The following UNC5C variants were observed in gnomAD, a reference collection of about 807,000 sequenced individuals.
UNC5C encodes unc-5 netrin receptor C.
A neutral mutation model predicts 99.8 loss-of-function variants in UNC5C; 47 were observed. The ratio of observed to expected loss-of-function variants is 0.47; its 90% CI spans 0.37 to 0.60. The LOEUF (loss-of-function observed/expected upper bound fraction) is 0.60. UNC5C is among the 20% of genes least tolerant of loss of function. UNC5C has a pLI of 0.00. For missense variants in UNC5C, 1,062 were observed against 1,165.9 expected, an observed-to-expected ratio of 0.91 and a Z score of 1.30; for synonymous variants, 487 against 452.2, an observed-to-expected ratio of 1.08 and a Z score of -0.98.
intron 1 of UNC5C, among the ~76,000 whole-genome samples, chr4:95,356,045 T>C (rs56184934): frequency 0.22 from 33,030 of 151,198 alleles, 4,204 homozygotes; most frequent in African/African-American, 0.34. Context: ...TAAAAATTAG[T>C]TGGGTGTGGT....
intron 1 of UNC5C, among the ~76,000 whole-genome samples, chr4:95,434,769 A>G (rs1746728234): frequency 6.6e-6 from 1 of 152,110 alleles, no homozygotes; most frequent in South Asian, 2.1e-4. Flanking sequence ...AATATCCCAC[A>G]GTGACTATGA....
At chr4:95,175,385 T>C (rs1579198438) in intron 14 of UNC5C, among the ~76,000 whole-genome samples, 1 of 151,886 alleles carries the variant, frequency 6.6e-6, no homozygotes, top group Non-Finnish European at 1.5e-5. Flanking sequence ...CTGGTACCGG[T>C]TGTTCCTTTC....
At position 95,164,355 on chromosome 4, in the gene UNC5C, G is replaced by C. The variant is rs955982278; in HGVS notation, c.*4879C>G. ...TTATTCCATTAAAAAGAAATAATTA[G>C]AGATGCAAAGGAAATCTTCCAAAGT... is the stretch of plus-strand genomic sequence containing the variant. On this transcript the variant is annotated 3_prime_UTR_variant, in exon 16 of 16. Transcript: ENST00000453304. 2.6e-5 allele frequency: 4 copies of C among 152,072 alleles called. No individual in the cohort carries two copies. Among genetic ancestry groups the C allele is most frequent in the African/African-American group, 7.2e-5 (3 of 41,400 alleles). 9.4% of individuals were successfully genotyped at this position (152,072 alleles called of 1,614,324 possible). A position where few individuals can be genotyped will look rare whatever the true frequency, so the allele number is the denominator to read the frequency against.
At chr4:95,495,863 TA>T (rs1336014923) in intron 1 of UNC5C, among the ~76,000 whole-genome samples, 16 of 151,764 alleles carry the variant, frequency 1.1e-4, no homozygotes, top group Non-Finnish European at 1.5e-5. Context: ...TTCAAAGATT[TA>T]CTAAAGTTCA....
At chr4:95,196,524 T>G (rs1737401574) in intron 12 of UNC5C, among the ~76,000 whole-genome samples, 2 of 151,760 alleles carry the variant, frequency 1.3e-5, no homozygotes, top group Admixed American at 1.3e-4. Flanking sequence ...ACATGCTAAT[T>G]CTGTATCAGT....
chr4:95,508,440 GC>G (rs1721981719), intron 1 of UNC5C, among the ~76,000 whole-genome samples: 1 of 151,718 alleles, frequency 6.6e-6, no homozygotes, highest in Non-Finnish European at 1.5e-5. Context: ...CCTTAACCTG[GC>G]AATTAGACTC....
At chr4:95,457,782 G>A (rs566176212) in intron 1 of UNC5C, among the ~76,000 whole-genome samples, 11 of 152,182 alleles carry the variant, frequency 7.2e-5, no homozygotes, top group African/African-American at 2.6e-4. Context: ...AGGACTTACA[G>A]CAAGAAAACA....
At chr4:95,511,612 G>A (rs115709261) in intron 1 of UNC5C, among the ~76,000 whole-genome samples, 3 of 152,032 alleles carry the variant, frequency 2.0e-5, no homozygotes, top group African/African-American at 4.8e-5. Flanking sequence ...GCAGATACTT[G>A]CATAACCTCT....
rs1579275473 is a variant in UNC5C, at chr4:95,259,694, C to T, written c.595-9027G>A. Among the ~76,000 whole-genome samples the T allele has an allele frequency of 3.3e-5, 5 of 151,684 alleles. No homozygotes were observed. In the East Asian group the frequency reaches 7.8e-4, roughly 24 times the overall value. On this transcript the variant is annotated intron_variant, in intron 4 of 15. Coordinates refer to ENST00000453304, the MANE Select transcript of UNC5C (RefSeq NM_003728.4). ...TCTTCATAAAAATTATTTTCTAATT[C>T]TAAAGTATAAGAAAACATTATCAGT...
chr4:95,444,717 C>T (rs1158746314), intron 1 of UNC5C, among the ~76,000 whole-genome samples: 2 of 152,146 alleles, frequency 1.3e-5, no homozygotes, highest in Admixed American at 1.3e-4. Flanking sequence ...AAACAGTCCT[C>T]AGAACTGGAG....
chr4:95,490,820 A>C (rs1390126471), intron 1 of UNC5C, among the ~76,000 whole-genome samples: 3 of 151,808 alleles, frequency 2.0e-5, no homozygotes, highest in Non-Finnish European at 4.4e-5. Context: ...TGATTTAAAA[A>C]TTGAACAATT....
At position 95,290,496 on chromosome 4, in the gene UNC5C, A is replaced by G. The variant is rs184669066; in HGVS notation, c.490+11110T>C. On this transcript the variant is annotated intron_variant, in intron 3 of 15. Transcript: ENST00000453304. ...GTGCAATGAACTGGACTGCAAAGAG[A>G]AAAGTTTGTTTAAAATTCAGATTCA... 3.3e-3 allele frequency among the ~76,000 whole-genome samples: 509 copies of G among 152,316 alleles called. 2 individuals carry two copies. The highest frequency in any genetic ancestry group is 0.011 in the African/African-American group (472 of 41,576).
At chr4:95,529,683 C>T (rs1722593266) in intron 1 of UNC5C, among the ~76,000 whole-genome samples, 1 of 151,770 alleles carries the variant, frequency 6.6e-6, no homozygotes, top group South Asian at 2.1e-4. Context: ...GCTGTGACCG[C>T]ACCACTGCAT....
At chr4:95,266,995 T>A (rs758775981) in intron 4 of UNC5C, among the ~76,000 whole-genome samples, 2 of 152,210 alleles carry the variant, frequency 1.3e-5, no homozygotes, top group Non-Finnish European at 2.9e-5. Context: ...CAAAGACAGA[T>A]TCCAATGTTC....
At chr4:95,382,236 G>A (rs1277122486) in intron 1 of UNC5C, among the ~76,000 whole-genome samples, 1 of 152,096 alleles carries the variant, frequency 6.6e-6, no homozygotes, top group Non-Finnish European at 1.5e-5. Flanking sequence ...ATTTTGGGAG[G>A]CCAAGGAGGG....
intron 1 of UNC5C, among the ~76,000 whole-genome samples, chr4:95,493,591 C>G (rs1483429728): frequency 6.6e-6 from 1 of 151,296 alleles, no homozygotes; most frequent in Non-Finnish European, 1.5e-5. Context: ...AAAACACACA[C>G]TAAGTTTTAA....
At chr4:95,211,053 G>A (rs1434683266) in intron 10 of UNC5C, among the ~76,000 whole-genome samples, 1 of 152,212 alleles carries the variant, frequency 6.6e-6, no homozygotes, top group Non-Finnish European at 1.5e-5. Context: ...ATTTTGGGTT[G>A]CTTAGAGTGG....
At chr4:95,392,393 TAAC>T (rs1745387067) in intron 1 of UNC5C, among the ~76,000 whole-genome samples, 1 of 151,578 alleles carries the variant, frequency 6.6e-6, no homozygotes, top group African/African-American at 2.4e-5. Flanking sequence ...TTTATATACT[TAAC>T]AAAGGAATTT....
chr4:95,373,539 T>C (rs150418914), intron 1 of UNC5C, among the ~76,000 whole-genome samples: 613 of 152,288 alleles, frequency 4.0e-3, no homozygotes, highest in African/African-American at 0.014. Context: ...CCCTGCCCAA[T>C]ACTGTGGCAA....
Sources: allele counts gnomAD v4.1 joint callset (sites outside exome capture counted in the v4.1 genomes callset), GRCh38; gene constraint gnomAD v4.1.1; transcripts MANE v1.5; gene names NCBI Gene and HGNC (gene_info 2026-07-23, HGNC 2026-07-21).